Variants in OSBPL10 observed in about 807,000 individuals in gnomAD.
OSBPL10 encodes the protein oxysterol binding protein like 10.
A neutral mutation model predicts 81.7 loss-of-function variants in OSBPL10; 49 were observed. The observed-to-expected ratio is 0.60, with a 90% CI of 0.48 to 0.76. The LOEUF is 0.76. Among genes scored for constraint, OSBPL10 ranks in the 30% least tolerant of loss-of-function variants. The pLI, the probability that OSBPL10 is intolerant of heterozygous loss-of-function variation, is 0.00. For missense variants in OSBPL10, 923 were observed against 987.8 expected, an observed-to-expected ratio of 0.93 and a Z score of 0.88; for synonymous variants, 419 against 383.6, an observed-to-expected ratio of 1.09 and a Z score of -1.08.
rs145866747 is a variant in OSBPL10 at position 31,684,120 on chromosome 3, T to A, written c.1246-6A>T. On this transcript the variant is annotated splice_polypyrimidine_tract_variant and splice_region_variant and intron_variant, in intron 7 of 11. Transcript: ENST00000396556. The stretch of plus-strand genomic sequence containing the variant: ...ATAAAGGTGGGAAGCACCACCTGCA[T>A]TTGGAAGGACACAAAGTCAGACAAT... 6.4e-5 allele frequency: 103 copies of A among 1,611,106 alleles called. 1 individual carries two copies. The African/African-American group carries it at 1.2e-3, about 19-fold the overall frequency.
chr3:31,846,119 C>A (rs555636324), intron 3 of OSBPL10, among the ~76,000 whole-genome samples: 1 of 152,320 alleles, frequency 6.6e-6, no homozygotes, highest in Admixed American at 6.5e-5. Context: ...CTCAAGCAAT[C>A]CTCCTGCCTC....
chr3:31,874,776 G>A (rs1701409772), intron 3 of OSBPL10, among the ~76,000 whole-genome samples: 1 of 152,168 alleles, frequency 6.6e-6, no homozygotes. Flanking sequence ...GGCAACCGTT[G>A]TAGAAGACAA....
intron 2 of OSBPL10, among the ~76,000 whole-genome samples, chr3:32,010,006 C>A (rs11129476): frequency 0.58 from 87,888 of 152,080 alleles, 28,831 homozygotes; most frequent in Non-Finnish European, 0.73. Flanking sequence ...TATTTGGAGA[C>A]AGGATCTTTG....
At chr3:31,709,850 C>T (rs975699959) in intron 6 of OSBPL10, among the ~76,000 whole-genome samples, 1 of 152,202 alleles carries the variant, frequency 6.6e-6, no homozygotes, top group African/African-American at 2.4e-5. Context: ...GTGTCAGGTG[C>T]TTTACAGCAT....
chr3:31,697,828 T>C (rs936616417), intron 7 of OSBPL10, among the ~76,000 whole-genome samples: 2 of 152,022 alleles, frequency 1.3e-5, no homozygotes, highest in Admixed American at 6.6e-5. Flanking sequence ...AATGGAGTGA[T>C]CTCAGCTCAC....
rs533725863 is a variant in OSBPL10, at chr3:31,824,921, C to A, written c.729+5119G>T. The stretch of plus-strand genomic sequence containing the variant: ...AGTGGAGCCAAGATATGAATGTTTC[C>A]ATATCAAGTAAAGTATGGAACATTT... On this transcript the variant is annotated intron_variant, in intron 4 of 11. Coordinates refer to ENST00000396556, the MANE Select transcript of OSBPL10 (RefSeq NM_017784.5). Among the ~76,000 whole-genome samples the A allele has an allele frequency of 2.0e-5, 3 of 152,228 alleles. No homozygotes were observed. In the South Asian group the frequency reaches 6.2e-4, roughly 32 times the overall value.
At chr3:31,924,232 AAG>A (rs1553640927) in intron 1 of OSBPL10, among the ~76,000 whole-genome samples, 3 of 151,536 alleles carry the variant, frequency 2.0e-5, no homozygotes, top group Admixed American at 1.3e-4. Flanking sequence ...AAAAAAAAGA[AAG>A]AAAGAAAAGA....
intron 8 of OSBPL10, among the ~76,000 whole-genome samples, chr3:31,681,929 T>C (rs1385409608): frequency 6.6e-6 from 1 of 152,166 alleles, no homozygotes; most frequent in Non-Finnish European, 1.5e-5. Context: ...CCCATACTCT[T>C]CCTTCAAAGT....
At chr3:32,002,754 G>A (rs1381347869) in intron 2 of OSBPL10, among the ~76,000 whole-genome samples, 1 of 152,220 alleles carries the variant, frequency 6.6e-6, no homozygotes, top group African/African-American at 2.4e-5. Flanking sequence ...CAAGAAGGGG[G>A]TTGTTGTGAC....
chr3:31,797,330 G>A (rs1448427222), intron 4 of OSBPL10, among the ~76,000 whole-genome samples: 1 of 151,976 alleles, frequency 6.6e-6, no homozygotes, highest in Non-Finnish European at 1.5e-5. Flanking sequence ...CTCAAGTTGA[G>A]TATTCAAAAA....
intron 1 of OSBPL10, among the ~76,000 whole-genome samples, chr3:31,934,238 G>T (rs938095711): frequency 1.3e-5 from 2 of 151,992 alleles, no homozygotes; most frequent in Non-Finnish European, 2.9e-5. Context: ...AGGAGGCTGA[G>T]CGGGGGAGGA....
chr3:31,674,375 GA>G, intron 8 of OSBPL10, among the ~76,000 whole-genome samples: 1 of 151,890 alleles, frequency 6.6e-6, no homozygotes, highest in East Asian at 1.9e-4. Flanking sequence ...GCAACATGAC[GA>G]AGCCTCATTT....
At chr3:31,992,904 G>A (rs750590789) in intron 2 of OSBPL10, among the ~76,000 whole-genome samples, 1 of 152,198 alleles carries the variant, frequency 6.6e-6, no homozygotes, top group Admixed American at 6.5e-5. Context: ...TCAAGAGGCT[G>A]AGGCAGGAGT....
chr3:31,740,837 A>T (rs957108318), intron 5 of OSBPL10, among the ~76,000 whole-genome samples: 10 of 145,658 alleles, frequency 6.9e-5, no homozygotes, highest in African/African-American at 2.6e-4. Flanking sequence ...TGATAAACTT[A>T]ATATGACCAC....
intron 1 of OSBPL10, among the ~76,000 whole-genome samples, chr3:31,929,486 G>A (rs1697173157): frequency 6.6e-6 from 1 of 152,100 alleles, no homozygotes; most frequent in Non-Finnish European, 1.5e-5. Flanking sequence ...GGTGGCTCAC[G>A]CCTGTAATAC....
intron 1 of OSBPL10, among the ~76,000 whole-genome samples, chr3:31,917,464 G>A (rs1696791192): frequency 6.6e-6 from 1 of 151,800 alleles, no homozygotes; most frequent in Admixed American, 6.6e-5. Context: ...GCAGACAAGT[G>A]CAACCTATGC....
chr3:32,053,687 T>A (rs1699685195), intron 1 of OSBPL10, among the ~76,000 whole-genome samples: 1 of 152,044 alleles, frequency 6.6e-6, no homozygotes, highest in East Asian at 1.9e-4. Flanking sequence ...TTAAAAAAAA[T>A]AATGAGGATG....
chr3:31,910,957 A>G (rs1455108573), intron 1 of OSBPL10, among the ~76,000 whole-genome samples: 1 of 152,226 alleles, frequency 6.6e-6, no homozygotes. Context: ...CCAGAATAAA[A>G]GAACATTGTC....
chr3:31,820,567 C>T (rs1699958187), intron 4 of OSBPL10, among the ~76,000 whole-genome samples: 1 of 151,858 alleles, frequency 6.6e-6, no homozygotes, highest in Non-Finnish European at 1.5e-5. Context: ...TGCACTCCAG[C>T]CTGGGAGGCA....
Sources: gnomAD v4.1 joint callset for allele counts (sites outside exome capture counted in the v4.1 genomes callset) on GRCh38, gnomAD v4.1.1 for gene constraint, MANE v1.5 for transcripts, NCBI Gene and HGNC (gene_info 2026-07-23, HGNC 2026-07-21) for gene names.